ESRRG: variants seen among roughly 807,000 people sequenced by gnomAD.
ESRRG encodes the protein estrogen related receptor gamma, also known as estrogen-related receptor gamma.
ESRRG carries 13 observed loss-of-function variants against 44.0 expected under a neutral mutation model. The observed-to-expected ratio is 0.30, with a 90% CI of 0.19 to 0.47. The LOEUF (loss-of-function observed/expected upper bound fraction) is 0.47, where lower values mean the gene tolerates loss of function less well. Among genes scored for constraint, ESRRG ranks in the 20% least tolerant of loss-of-function variants. The probability of loss-of-function intolerance (pLI) is 1.00; values close to 1 mark genes in which losing one functional copy is unlikely to be tolerated. For missense variants in ESRRG, 395 were observed against 580.6 expected, an observed-to-expected ratio of 0.68 and a Z score of 3.29; for synonymous variants, 215 against 214.6, an observed-to-expected ratio of 1.00 and a Z score of -0.02.
At chr1:216,590,784 C>T (rs951444489) in intron 3 of ESRRG, among the ~76,000 whole-genome samples, 1 of 151,920 alleles carries the variant, frequency 6.6e-6, no homozygotes. Flanking sequence ...GTATAAGCCA[C>T]AAGACAGTAT....
At chr1:216,728,626 C>T (rs563259725) in intron 2 of ESRRG, among the ~76,000 whole-genome samples, 1 of 151,912 alleles carries the variant, frequency 6.6e-6, no homozygotes, top group South Asian at 2.1e-4. Context: ...CCTAACCACC[C>T]CATTCAACAT....
At chr1:216,662,139 A>G (rs1229117129) in intron 2 of ESRRG, among the ~76,000 whole-genome samples, 1 of 152,168 alleles carries the variant, frequency 6.6e-6, no homozygotes, top group Non-Finnish European at 1.5e-5. Context: ...TAATTACAAC[A>G]TCATTACTGT....
At chr1:216,846,239 C>T (rs951620826) in intron 2 of ESRRG, among the ~76,000 whole-genome samples, 5 of 152,152 alleles carry the variant, frequency 3.3e-5, no homozygotes, top group Middle Eastern at 6.8e-3. Context: ...CACGTCTTTA[C>T]GTATTCTTGA....
At chr1:216,950,871 T>C (rs192828382) in intron 1 of ESRRG, among the ~76,000 whole-genome samples, 4 of 152,318 alleles carry the variant, frequency 2.6e-5, no homozygotes, top group South Asian at 2.1e-4. Flanking sequence ...TGTCATAATA[T>C]AGAACTTGCA....
intron 1 of ESRRG, among the ~76,000 whole-genome samples, chr1:216,694,880 A>G (rs1351325721): frequency 6.6e-6 from 1 of 152,152 alleles, no homozygotes; most frequent in African/African-American, 2.4e-5. Flanking sequence ...TCTGTTAAAC[A>G]CTGTTTTGGC....
intron 1 of ESRRG, among the ~76,000 whole-genome samples, chr1:216,689,186 G>A (rs1020691549): frequency 3.3e-5 from 5 of 152,098 alleles, no homozygotes; most frequent in Non-Finnish European, 5.9e-5. Context: ...TGCTTTCCAA[G>A]TCTGTGGAAA....
At chr1:216,762,088 A>C (rs571815470) in intron 2 of ESRRG, among the ~76,000 whole-genome samples, 4 of 152,040 alleles carry the variant, frequency 2.6e-5, no homozygotes, top group South Asian at 4.1e-4. Context: ...TTTTTCCTTC[A>C]AATAGGCAAA....
chr1:216,534,764 C>A (rs538944915), intron 5 of ESRRG, among the ~76,000 whole-genome samples: 2 of 152,258 alleles, frequency 1.3e-5, no homozygotes, highest in Admixed American at 1.3e-4. Flanking sequence ...CGTTTGACAA[C>A]CGTAGGGGTA....
chr1:216,650,147 A>C (rs1214220948), intron 3 of ESRRG, among the ~76,000 whole-genome samples: 3 of 152,190 alleles, frequency 2.0e-5, no homozygotes, highest in African/African-American at 4.8e-5. Context: ...TTTCTGAAGA[A>C]AGGGAAACAG....
At chr1:217,130,101 C>A (rs759243760) in intron 1 of ESRRG, among the ~76,000 whole-genome samples, 2 of 152,180 alleles carry the variant, frequency 1.3e-5, no homozygotes, top group Non-Finnish European at 2.9e-5. Flanking sequence ...GAGTGGAATA[C>A]TACATCTAGA....
chr1:217,042,204 A>G (rs1297040620), intron 1 of ESRRG, among the ~76,000 whole-genome samples: 1 of 152,222 alleles, frequency 6.6e-6, no homozygotes, highest in African/African-American at 2.4e-5. Flanking sequence ...ATGCTGAATG[A>G]CATATAAATA....
intron 1 of ESRRG, among the ~76,000 whole-genome samples, chr1:217,043,627 T>C (rs1028783340): frequency 2.2e-5 from 3 of 139,354 alleles, no homozygotes; most frequent in Non-Finnish European, 4.6e-5. Context: ...AGCCAACTTC[T>C]CAGGATAAGA....
intron 5 of ESRRG, among the ~76,000 whole-genome samples, chr1:216,535,387 C>T (rs1403095124): frequency 6.6e-6 from 1 of 152,100 alleles, no homozygotes; most frequent in Non-Finnish European, 1.5e-5. Flanking sequence ...GAATCCAAAA[C>T]AAGCCTTTCC....
At position 217,036,283 on chromosome 1, in the gene ESRRG, C is replaced by A. The variant is rs146462545; in HGVS notation, c.-106+53224G>T. 2.4e-4 allele frequency among the ~76,000 whole-genome samples: 36 copies of A among 152,244 alleles called. 1 individual carries two copies. In the East Asian group the frequency reaches 6.8e-3, roughly 29 times the overall value. On this transcript the variant is annotated intron_variant, in intron 1 of 7. Coordinates refer to the ESRRG transcript ENST00000359162. ...TCTCAAAGTCCTAAAGACAAAAATA[C>A]TATTTGACCCAGCAATCCCATTACT... is the stretch of plus-strand genomic sequence containing the variant.
At chr1:216,737,995 C>CTTT (rs144453643) in intron 2 of ESRRG, among the ~76,000 whole-genome samples, 8 of 119,630 alleles carry the variant, frequency 6.7e-5, no homozygotes, top group African/African-American at 1.2e-4. Context: ...TGAGACATCA[C>CTTT]TTTTTTTTTT....
intron 3 of ESRRG, among the ~76,000 whole-genome samples, chr1:216,608,692 C>G (rs1460616842): frequency 1.3e-5 from 2 of 152,172 alleles, no homozygotes; most frequent in Non-Finnish European, 2.9e-5. Context: ...TCCACCTTTT[C>G]AACCGGAGGC....
At chr1:216,620,910 T>C (rs1337208977) in intron 3 of ESRRG, among the ~76,000 whole-genome samples, 1 of 152,202 alleles carries the variant, frequency 6.6e-6, no homozygotes, top group Non-Finnish European at 1.5e-5. Flanking sequence ...AATTAATCTC[T>C]AGATATGTTT....
intron 1 of ESRRG, among the ~76,000 whole-genome samples, chr1:216,944,029 T>C (rs2065690478): frequency 6.6e-6 from 1 of 152,142 alleles, no homozygotes; most frequent in African/African-American, 2.4e-5. Flanking sequence ...AAAAGAAAAG[T>C]GCCTCAAAGA....
Position 217,118,678 on chromosome 1 carries a change from A to G in ESRRG, c.-230+18989T>C, listed in dbSNP as rs555296885. Among the ~76,000 whole-genome samples the G allele has an allele frequency of 2.6e-5, 4 of 152,298 alleles. No individual in the cohort carries two copies. The South Asian group carries it at 8.3e-4, about 32-fold the overall frequency. On this transcript the variant is annotated intron_variant, in intron 1 of 8. Transcript: ENST00000366940. Reference sequence around the variant, plus strand: ...TCTGCACAGTTAATGTGGGGTTAAGATAGGTATGGAGCCTTTAAAATGTAG... The same window carrying G: ...TCTGCACAGTTAATGTGGGGTTAAGGTAGGTATGGAGCCTTTAAAATGTAG...
Sources: allele counts gnomAD v4.1 joint callset (sites outside exome capture counted in the v4.1 genomes callset), GRCh38; gene constraint gnomAD v4.1.1; transcripts MANE v1.5; gene names NCBI Gene and HGNC (gene_info 2026-07-23, HGNC 2026-07-21).